RAB18: variants seen among roughly 807,000 people sequenced by gnomAD.
The protein encoded by RAB18 is RAB18, member RAS oncogene family.
A neutral mutation model predicts 28.5 loss-of-function variants in RAB18; 10 were observed. The observed-to-expected ratio is 0.35, with a 90% CI of 0.22 to 0.60. The LOEUF (loss-of-function observed/expected upper bound fraction) is 0.60, where lower values mean the gene tolerates loss of function less well. Ranked by LOEUF, RAB18 falls within the 20% of genes least tolerant of loss-of-function variation. The pLI, the probability that RAB18 is intolerant of heterozygous loss-of-function variation, is 0.78. For synonymous variants in RAB18, 93 were observed against 86.9 expected (o/e 1.07, Z -0.39); for missense variants, 188 against 244.2 (o/e 0.77, Z 1.53).
chr10:27,539,979 GTT>G lies in RAB18; in HGVS notation c.*1929_*1930del. ...TAGTGGAGGTTTTGTAAATGAAACA[GTT>G]GTAATATCTAAGGTCAGGCACCTAG... is the stretch of plus-strand genomic sequence containing the variant. On this transcript the variant is annotated 3_prime_UTR_variant, in exon 7 of 7. Transcript: ENST00000356940. 1 of 453,662 alleles carries G rather than the reference GTT, an allele frequency of 2.2e-6. No homozygotes were observed. Among genetic ancestry groups the G allele is most frequent in the Non-Finnish European group, 4.4e-6 (1 of 226,648 alleles). 28.1% of individuals were successfully genotyped at this position (453,662 alleles called of 1,614,324 possible). A position where few individuals can be genotyped will look rare whatever the true frequency, so the allele number is the denominator to read the frequency against.
intron 1 of RAB18, among the ~76,000 whole-genome samples, chr10:27,509,144 T>G (rs1834274354): frequency 6.6e-6 from 1 of 152,204 alleles, no homozygotes; most frequent in African/African-American, 2.4e-5. Context: ...GGTTTAGTCC[T>G]TTGTTCTCTC....
At chr10:27,510,276 G>A (rs1237736161) in intron 2 of RAB18, 1 of 333,092 alleles carries the variant, frequency 3.0e-6, no homozygotes, top group Admixed American at 4.6e-5. Context: ...CTGCTACTAA[G>A]AGGAGGGGTT....
rs1249953645 is a variant in RAB18 at position 27,533,909 on chromosome 10, C to T, written c.379-19C>T. On this transcript the variant is annotated intron_variant, in intron 5 of 6. Transcript: ENST00000356940. ...CTATATTTTGGTAGCCTTTCTTAAT[C>T]ATTGCATTTATATTTTAGGAAAATC... 1.2e-6 allele frequency: 2 copies of T among 1,609,238 alleles called. No homozygotes were observed. Among genetic ancestry groups the T allele is most frequent in the Non-Finnish European group, 1.7e-6 (2 of 1,175,704 alleles).
In RAB18 at chr10:27,538,082, G is replaced by C; in HGVS notation, c.*31G>C. On this transcript the variant is annotated 3_prime_UTR_variant, in exon 7 of 7. Coordinates refer to ENST00000356940, the MANE Select transcript of RAB18 (RefSeq NM_021252.5). The stretch of plus-strand genomic sequence containing the variant: ...GGGAAATTCCATCTCTTGCATATTT[G>C]ATCAGATAGTGACATCTTTCTGTAT... 1 of 1,613,226 alleles carries C rather than the reference G, an allele frequency of 6.2e-7. No homozygotes were observed. Among genetic ancestry groups the C allele is most frequent in the Non-Finnish European group, 8.5e-7 (1 of 1,179,212 alleles).
At chr10:27,504,897 C>T (rs1475792342) in intron 1 of RAB18, 1 of 505,154 alleles carries the variant, frequency 2.0e-6, no homozygotes, top group South Asian at 1.5e-5. Context: ...ATAATGTCCT[C>T]GGGAAGTTTC....
chr10:27,506,589 T>C (rs779532586), intron 1 of RAB18, among the ~76,000 whole-genome samples: 3 of 152,156 alleles, frequency 2.0e-5, no homozygotes, highest in Non-Finnish European at 2.9e-5. Context: ...CCCAAAGTGC[T>C]AGGAACATAA....
chr10:27,527,577 G>GA (rs1260917188), intron 3 of RAB18, among the ~76,000 whole-genome samples: 1 of 10,880 alleles, frequency 9.2e-5, no homozygotes, highest in East Asian at 0.014. Context: ...AATATGATCG[G>GA]TTATATATAT....
chr10:27,531,706 G>T, intron 3 of RAB18: 1 of 683,814 alleles, frequency 1.5e-6, no homozygotes, highest in South Asian at 1.6e-5. Context: ...TAGGTACCTT[G>T]AATCCATAGT....
At chr10:27,536,759 A>G (rs1279157034) in intron 6 of RAB18, among the ~76,000 whole-genome samples, 3 of 152,254 alleles carry the variant, frequency 2.0e-5, no homozygotes, top group African/African-American at 4.8e-5. Flanking sequence ...AAGATGTCAA[A>G]TAAAATTAGG....
intron 3 of RAB18, chr10:27,527,144 T>C (rs1442792313): frequency 5.3e-6 from 3 of 565,654 alleles, no homozygotes; most frequent in Non-Finnish European, 1.0e-5. Context: ...TAAAAAATCA[T>C]CTCATCTGCC....
In RAB18 at chr10:27,505,999, T is replaced by C. The variant is rs559716966; in HGVS notation, c.68+1562T>C. 3.3e-5 allele frequency among the ~76,000 whole-genome samples: 5 copies of C among 152,330 alleles called. No individual in the cohort carries two copies. In the South Asian group the frequency reaches 1.0e-3, roughly 32 times the overall value. ...TCTGTGTGTGTGTAAAAGGCATGAG[T>C]AAAATTATTTACATGATCATCTATT... is the stretch of plus-strand genomic sequence containing the variant. On this transcript the variant is annotated intron_variant, in intron 1 of 6. Transcript: ENST00000356940.
chr10:27,533,980 C>T lies in RAB18; in HGVS notation c.431C>T (p.Ser144Phe). Residue 144 changes from serine to phenylalanine, a missense_variant, in exon 6 of 7, where the codon TCC becomes TTC. Ser to Phe is a radical substitution (Grantham distance 155, BLOSUM62 -2). Coordinates refer to ENST00000356940, the MANE Select transcript of RAB18 (RefSeq NM_021252.5). ...GGCCTGAAATTTGCACGAAAGCATT[C>T]CATGTTATTTATAGGTAGGTGTGTG... ...NEGLKFARKHSMLFIEASAKT... is the reference protein window; with the variant it reads ...NEGLKFARKHFMLFIEASAKT... The T allele has an allele frequency of 6.2e-7, 1 of 1,600,290 alleles. No homozygotes were observed. The highest frequency in any genetic ancestry group is 8.6e-7 in the Non-Finnish European group (1 of 1,167,576).
chr10:27,518,686 G>A (rs1311677584), intron 2 of RAB18, among the ~76,000 whole-genome samples: 1 of 151,880 alleles, frequency 6.6e-6, no homozygotes, highest in Non-Finnish European at 1.5e-5. Context: ...GATGATATAT[G>A]CTTTGCAAAT....
chr10:27,517,217 G>T (rs974435048), intron 2 of RAB18, among the ~76,000 whole-genome samples: 4 of 151,988 alleles, frequency 2.6e-5, no homozygotes, highest in African/African-American at 9.7e-5. Flanking sequence ...ACAAAAATTA[G>T]CCAGGCATGG....
At chr10:27,506,577 C>T (rs1407344803) in intron 1 of RAB18, among the ~76,000 whole-genome samples, 2 of 152,112 alleles carry the variant, frequency 1.3e-5, no homozygotes, top group African/African-American at 4.8e-5. Context: ...CTGCCTTGAC[C>T]TCCCAAAGTG....
intron 1 of RAB18, among the ~76,000 whole-genome samples, chr10:27,505,707 G>A (rs1034166223): frequency 2.6e-5 from 4 of 152,068 alleles, no homozygotes; most frequent in African/African-American, 9.7e-5. Context: ...CTACAGGCGC[G>A]CACTATCATG....
At chr10:27,536,667 T>A (rs774930734) in intron 6 of RAB18, among the ~76,000 whole-genome samples, 4 of 152,180 alleles carry the variant, frequency 2.6e-5, no homozygotes, top group Non-Finnish European at 5.9e-5. Context: ...CTCAGAGGAT[T>A]TTCAGGCATG....
chr10:27,506,888 G>A (rs1255363632), intron 1 of RAB18, among the ~76,000 whole-genome samples: 1 of 152,062 alleles, frequency 6.6e-6, no homozygotes, highest in Non-Finnish European at 1.5e-5. Flanking sequence ...ACGTAGCAAT[G>A]GATTATCAAC....
intron 3 of RAB18, among the ~76,000 whole-genome samples, chr10:27,531,862 T>A (rs1029364045): frequency 1.3e-5 from 2 of 151,988 alleles, no homozygotes; most frequent in Non-Finnish European, 2.9e-5. Context: ...ATGGTTAAAC[T>A]GGTGATTAAA....
Sources: allele counts gnomAD v4.1 joint callset (sites outside exome capture counted in the v4.1 genomes callset), GRCh38; gene constraint gnomAD v4.1.1; transcripts MANE v1.5; gene names NCBI Gene and HGNC (gene_info 2026-07-23, HGNC 2026-07-21).